MACROD2: variants seen among roughly 807,000 people sequenced by gnomAD.
MACROD2 encodes the protein mono-ADP ribosylhydrolase 2, also known as ADP-ribose glycohydrolase MACROD2.
A neutral mutation model predicts 70.4 loss-of-function variants in MACROD2; 36 were observed. The ratio of observed to expected loss-of-function variants is 0.51; its 90% CI spans 0.39 to 0.68. The LOEUF (loss-of-function observed/expected upper bound fraction) is 0.68, where lower values mean the gene tolerates loss of function less well. MACROD2 is among the 30% of genes least tolerant of loss of function. The pLI, the probability that MACROD2 is intolerant of heterozygous loss-of-function variation, is 0.00. For missense variants in MACROD2, 496 were observed against 538.4 expected (o/e 0.92, Z 0.78); for synonymous variants, 172 against 178.8 (o/e 0.96, Z 0.30).
intron 8 of MACROD2, among the ~76,000 whole-genome samples, chr20:15,683,104 T>C (rs780125924): frequency 6.3e-4 from 96 of 152,224 alleles, no homozygotes; most frequent in Admixed American, 3.1e-3. Context: ...GGCCATGCAT[T>C]GCTTGTCTTA....
At chr20:15,005,396 G>C (rs1181183636) in intron 5 of MACROD2, among the ~76,000 whole-genome samples, 11 of 152,124 alleles carry the variant, frequency 7.2e-5, no homozygotes. Context: ...TTGTTCAAGT[G>C]GGAGTTCATA....
intron 7 of MACROD2, among the ~76,000 whole-genome samples, chr20:15,451,486 G>C (rs1002090872): frequency 1.4e-5 from 2 of 145,754 alleles, no homozygotes; most frequent in Non-Finnish European, 3.0e-5. Flanking sequence ...ATACACTCGA[G>C]AATGGGCTCT....
At chr20:14,695,898 G>A (rs2071120133) in intron 5 of MACROD2, among the ~76,000 whole-genome samples, 1 of 152,128 alleles carries the variant, frequency 6.6e-6, no homozygotes, top group East Asian at 1.9e-4. Flanking sequence ...TTTAAGTGCA[G>A]GGTAATTTGT....
At chr20:14,115,362 ACTC>A (rs1215997870) in intron 3 of MACROD2, among the ~76,000 whole-genome samples, 2 of 152,084 alleles carry the variant, frequency 1.3e-5, no homozygotes, top group African/African-American at 4.8e-5. Flanking sequence ...ACTATTTATT[ACTC>A]CTCATTATTT....
chr20:15,095,831 G>A (rs2075827167), intron 5 of MACROD2, among the ~76,000 whole-genome samples: 1 of 151,460 alleles, frequency 6.6e-6, no homozygotes, highest in African/African-American at 2.4e-5. Flanking sequence ...AGGTTCTTCA[G>A]TTCTTTATGT....
chr20:15,103,755 G>A (rs961486111), intron 5 of MACROD2, among the ~76,000 whole-genome samples: 1 of 152,132 alleles, frequency 6.6e-6, no homozygotes, highest in Non-Finnish European at 1.5e-5. Context: ...AGCAATTGGA[G>A]AGTGACCTGG....
At chr20:14,135,124 A>T (rs1395293473) in intron 3 of MACROD2, among the ~76,000 whole-genome samples, 1 of 152,188 alleles carries the variant, frequency 6.6e-6, no homozygotes, top group Non-Finnish European at 1.5e-5. Flanking sequence ...GTATCAAGAA[A>T]CATAGGGATT....
intron 3 of MACROD2, among the ~76,000 whole-genome samples, chr20:14,464,842 G>A (rs1055066769): frequency 2.0e-5 from 3 of 152,066 alleles, no homozygotes; most frequent in African/African-American, 7.3e-5. Flanking sequence ...TAGTTGAGCA[G>A]TTTTGAGTGA....
intron 3 of MACROD2, among the ~76,000 whole-genome samples, chr20:14,450,685 T>C (rs982870581): frequency 6.6e-6 from 1 of 152,154 alleles, no homozygotes; most frequent in Non-Finnish European, 1.5e-5. Context: ...ATATGCTATA[T>C]AGTTATACTT....
chr20:14,278,727 A>G (rs1239087230), intron 3 of MACROD2, among the ~76,000 whole-genome samples: 1 of 152,202 alleles, frequency 6.6e-6, no homozygotes, highest in Admixed American at 6.5e-5. Flanking sequence ...AGTACTTCAA[A>G]ATACTATCAT....
At chr20:14,385,439 A>AT (rs11481691) in intron 3 of MACROD2, among the ~76,000 whole-genome samples, 58,904 of 151,980 alleles carry the variant, frequency 0.39, 11,765 homozygotes, top group South Asian at 0.62. Flanking sequence ...CAAATTTAAA[A>AT]AAGTATCAAC....
intron 8 of MACROD2, among the ~76,000 whole-genome samples, chr20:15,601,034 T>C (rs1372319983): frequency 6.6e-6 from 1 of 152,196 alleles, no homozygotes; most frequent in Non-Finnish European, 1.5e-5. Flanking sequence ...TTAATAAGAA[T>C]AGTTAACCAT....
At chr20:14,177,048 C>T (rs1260220073) in intron 3 of MACROD2, among the ~76,000 whole-genome samples, 1 of 152,112 alleles carries the variant, frequency 6.6e-6, no homozygotes, top group East Asian at 1.9e-4. Flanking sequence ...ATAGAGACTT[C>T]CCCTCTTTGT....
At chr20:14,044,153 T>C (rs1201576719) in intron 2 of MACROD2, among the ~76,000 whole-genome samples, 3 of 152,034 alleles carry the variant, frequency 2.0e-5, no homozygotes, top group African/African-American at 7.2e-5. Flanking sequence ...TTCAGAGTTT[T>C]TTCCTTCTGG....
At chr20:15,869,571 A>C (rs1161540041) in intron 9 of MACROD2, among the ~76,000 whole-genome samples, 1 of 152,030 alleles carries the variant, frequency 6.6e-6, no homozygotes, top group African/African-American at 2.4e-5. Context: ...TGTATGCCTT[A>C]AAAATGAGCT....
At chr20:14,537,925 C>A (rs572656018) in intron 4 of MACROD2, among the ~76,000 whole-genome samples, 1 of 152,288 alleles carries the variant, frequency 6.6e-6, no homozygotes, top group Admixed American at 6.5e-5. Context: ...CTTACTAGAT[C>A]TCTATTTTCA....
At chr20:14,572,012 G>A (rs1409045306) in intron 4 of MACROD2, among the ~76,000 whole-genome samples, 1 of 152,026 alleles carries the variant, frequency 6.6e-6, no homozygotes, top group Non-Finnish European at 1.5e-5. Flanking sequence ...GTTTGGAAGT[G>A]TTTGCTCAAT....
intron 8 of MACROD2, among the ~76,000 whole-genome samples, chr20:15,563,119 G>T (rs748122518): frequency 2.0e-5 from 3 of 152,206 alleles, no homozygotes; most frequent in Non-Finnish European, 4.4e-5. Flanking sequence ...TCGCTGATGA[G>T]GATGCAGTGT....
chr20:14,739,549 G>T (rs1312029818), intron 5 of MACROD2, among the ~76,000 whole-genome samples: 2 of 149,856 alleles, frequency 1.3e-5, no homozygotes, highest in Non-Finnish European at 3.0e-5. Context: ...GACAAACAAA[G>T]GTATTATCTA....
Sources: gnomAD v4.1 joint callset for allele counts (sites outside exome capture counted in the v4.1 genomes callset) on GRCh38, gnomAD v4.1.1 for gene constraint, MANE v1.5 for transcripts, NCBI Gene and HGNC (gene_info 2026-07-23, HGNC 2026-07-21) for gene names.